Variants in RXFP2 observed in about 807,000 individuals in gnomAD.
RXFP2 encodes relaxin family peptide receptor 2.
Under a neutral mutation model 88.6 loss-of-function variants are expected in RXFP2, and 68 were observed. The ratio of observed to expected loss-of-function variants is 0.77; its 90% CI spans 0.63 to 0.94. The LOEUF (loss-of-function observed/expected upper bound fraction) is 0.94. RXFP2 is among the 40% of genes least tolerant of loss of function. The pLI is 0.00. For missense variants in RXFP2, 791 were observed against 893.9 expected, an observed-to-expected ratio of 0.88 and a Z score of 1.47; for synonymous variants, 329 against 306.8, an observed-to-expected ratio of 1.07 and a Z score of -0.76.
At chr13:31,796,782 C>G (rs1310639939) in intron 16 of RXFP2, among the ~76,000 whole-genome samples, 1 of 152,198 alleles carries the variant, frequency 6.6e-6, no homozygotes, top group Admixed American at 6.5e-5. Flanking sequence ...TATTTAACAT[C>G]TAAGTACAGG....
chr13:31,788,770 A>G (rs117244169), intron 13 of RXFP2, among the ~76,000 whole-genome samples: 3,566 of 152,290 alleles, frequency 0.023, 55 homozygotes, highest in Non-Finnish European at 0.037. Context: ...TGGAAAGATC[A>G]TCTCCTGAAT....
intron 6 of RXFP2, among the ~76,000 whole-genome samples, chr13:31,774,896 T>C (rs1872876597): frequency 6.6e-6 from 1 of 152,216 alleles, no homozygotes; most frequent in Non-Finnish European, 1.5e-5. Flanking sequence ...TCCTTAACCT[T>C]GTCTTCTCTA....
At chr13:31,761,622 C>T (rs932377502) in intron 2 of RXFP2, 102 bp from the exon 3 acceptor site, 11 of 759,756 alleles carry the variant, frequency 1.4e-5, no homozygotes, top group African/African-American at 8.7e-5. Context: ...AATTCTATTA[C>T]TTAAACATAT....
Position 31,784,122 on chromosome 13 carries a change from C to T in RXFP2, c.929+1375C>T, listed in dbSNP as rs989292210. On this transcript the variant is annotated intron_variant, in intron 11 of 17. Coordinates refer to ENST00000298386, the MANE Select transcript of RXFP2 (RefSeq NM_130806.5). The stretch of plus-strand genomic sequence containing the variant: ...GATTACAAGTGTGAGCCACCACGCC[C>T]AACCCAGAGGGGTATTTTATATATA... Among the ~76,000 whole-genome samples the T allele has an allele frequency of 5.9e-5, 9 of 151,796 alleles. No homozygotes were observed. In the South Asian group the frequency reaches 8.4e-4, roughly 14 times the overall value.
Position 31,800,504 on chromosome 13 carries a change from A to G in RXFP2, c.2006-1642A>G, listed in dbSNP as rs567336665. On this transcript the variant is annotated intron_variant, in intron 17 of 17. Transcript: ENST00000298386. Reference sequence around the variant, plus strand: ...GGAGAATGGCATGAACATAAGAGGTAGAGCTTGCAGTGAGCCGAGATCGTG... The same window carrying G: ...GGAGAATGGCATGAACATAAGAGGTGGAGCTTGCAGTGAGCCGAGATCGTG... Among the ~76,000 whole-genome samples, 844 of 152,340 alleles carry G rather than the reference A, an allele frequency of 5.5e-3. 4 individuals carry two copies. The highest frequency in any genetic ancestry group is 0.017 in the Middle Eastern group (5 of 294).
At chr13:31,759,487 G>A (rs996142275) in intron 2 of RXFP2, among the ~76,000 whole-genome samples, 1 of 148,570 alleles carries the variant, frequency 6.7e-6, no homozygotes, top group African/African-American at 2.5e-5. Context: ...CCAGGCAAAG[G>A]CAACATCAAG....
At position 31,781,690 on chromosome 13, in the gene RXFP2, A is replaced by G; in HGVS notation, c.805A>G (p.Ile269Val). 6.2e-7 allele frequency: 1 copy of G among 1,612,264 alleles called. No individual in the cohort carries two copies. Among genetic ancestry groups the G allele is most frequent in the Non-Finnish European group, 8.5e-7 (1 of 1,178,536 alleles). Residue 269 changes from isoleucine (I) to valine (V), a missense_variant, in exon 10 of 18, where the codon ATA becomes GTA. By Grantham distance (29) the Ile-to-Val change is conservative. Transcript: ENST00000298386. ...LNWVDLEGNR[I>V]KYLTNSTFLS... ...TTCCAGGGATTTGGAAGGCAATAGAATAAAGTATCTCACAAATTCTACGTT... is the reference window on the plus strand; with the variant it reads ...TTCCAGGGATTTGGAAGGCAATAGAGTAAAGTATCTCACAAATTCTACGTT...
At chr13:31,782,902 T>A (rs931319560) in intron 11 of RXFP2, among the ~76,000 whole-genome samples, 155 bp downstream of exon 11, 1 of 152,194 alleles carries the variant, frequency 6.6e-6, no homozygotes, top group Non-Finnish European at 1.5e-5. Context: ...TATCCTGAAG[T>A]CCAAAGCACA....
In RXFP2 at chr13:31,782,767, A is replaced by G. The variant is rs959645523; in HGVS notation, c.929+20A>G. 5 of 1,428,882 alleles carry G rather than the reference A, an allele frequency of 3.5e-6. No individual in the cohort carries two copies. The highest frequency in any genetic ancestry group is 3.4e-5 in the Admixed American group (2 of 59,690). The allele number at this position is 1,428,882 out of a possible 1,614,324, so 88.5% of individuals were successfully genotyped here. A position where few individuals can be genotyped will look rare whatever the true frequency, so the allele number is the denominator to read the frequency against. On this transcript the variant is annotated intron_variant, in intron 11 of 17. Coordinates refer to ENST00000298386, the MANE Select transcript of RXFP2 (RefSeq NM_130806.5). Reference sequence around the variant, plus strand: ...AGAACTGTAAGTAGCATCGTCTACTAGGAAAATATGATTGCTTCTTCCGAG... The same window carrying G: ...AGAACTGTAAGTAGCATCGTCTACTGGGAAAATATGATTGCTTCTTCCGAG...
At chr13:31,800,202 G>A (rs542330760) in intron 17 of RXFP2, among the ~76,000 whole-genome samples, 174 of 152,238 alleles carry the variant, frequency 1.1e-3, no homozygotes, top group African/African-American at 3.7e-3. Flanking sequence ...CCTCCAAGAA[G>A]TCTGGCATTT....
chr13:31,762,644 G>GTA (rs1186867196), intron 3 of RXFP2, among the ~76,000 whole-genome samples: 2 of 151,820 alleles, frequency 1.3e-5, no homozygotes, highest in Admixed American at 6.6e-5. Context: ...ATATGTAAAT[G>GTA]TATATATATA....
intron 13 of RXFP2, 143 bp from the exon 14 acceptor site, chr13:31,788,979 A>G (rs531147990): frequency 1.5e-5 from 10 of 656,388 alleles, no homozygotes; most frequent in African/African-American, 7.2e-5. Flanking sequence ...GCCATTTTCT[A>G]AGATAGTGTA....
At chr13:31,750,312 C>T (rs1566213683) in intron 1 of RXFP2, among the ~76,000 whole-genome samples, 1 of 151,884 alleles carries the variant, frequency 6.6e-6, no homozygotes, top group Admixed American at 6.6e-5. Context: ...TTTCATAAAG[C>T]CAAATGTATT....
Position 31,788,861 on chromosome 13 carries a change from C to T in RXFP2, c.1074-261C>T, listed in dbSNP as rs147918036. 2.2e-3 allele frequency among the ~76,000 whole-genome samples: 333 copies of T among 152,274 alleles called. 1 individual carries two copies. The highest frequency in any genetic ancestry group is 7.6e-3 in the African/African-American group (315 of 41,560). ...CAATTTCATAATACACAAATCACCA[C>T]TGCCATTCTTAAATCAAAGAAATGA... On this transcript the variant is annotated intron_variant, in intron 13 of 17. Coordinates refer to ENST00000298386, the MANE Select transcript of RXFP2 (RefSeq NM_130806.5).
chr13:31,765,032 AT>A lies in RXFP2; in HGVS notation c.320-3del. ...AGTGAAATCTTACTCTTTTTGTCCC[AT>A]TAGTTCTAAAACAGTATCCACAATG... On this transcript the variant is annotated splice_polypyrimidine_tract_variant and splice_region_variant and intron_variant, in intron 3 of 17. Transcript: ENST00000298386. 2 of 1,513,370 alleles carry A rather than the reference AT, an allele frequency of 1.3e-6. No individual in the cohort carries two copies. The highest frequency in any genetic ancestry group is 1.1e-5 in the South Asian group (1 of 89,072). 93.7% of individuals were successfully genotyped at this position (1,513,370 alleles called of 1,614,324 possible). A position where few individuals can be genotyped will look rare whatever the true frequency, so the allele number is the denominator to read the frequency against.
intron 5 of RXFP2, among the ~76,000 whole-genome samples, chr13:31,772,064 A>G (rs981970886): frequency 2.0e-5 from 3 of 152,228 alleles, no homozygotes; most frequent in African/African-American, 7.2e-5. Flanking sequence ...CATTTTAATA[A>G]TCTTTTAAAA....
chr13:31,745,030 C>T (rs372716987), intron 1 of RXFP2, among the ~76,000 whole-genome samples: 12 of 152,032 alleles, frequency 7.9e-5, no homozygotes, highest in East Asian at 1.9e-4. Flanking sequence ...ATTAGCCAGA[C>T]GTGGTGGTGC....
chr13:31,778,687 C>T, intron 9 of RXFP2, 104 bp downstream of exon 9: 1 of 859,032 alleles, frequency 1.2e-6, no homozygotes, highest in East Asian at 2.4e-5. Flanking sequence ...AATTTCTTTC[C>T]AAAATCAAAA....
chr13:31,769,411 T>C (rs997303642), intron 5 of RXFP2, among the ~76,000 whole-genome samples: 1 of 152,114 alleles, frequency 6.6e-6, no homozygotes, highest in African/African-American at 2.4e-5. Context: ...CTAGCTATCA[T>C]CACCCTCCAC....
Sources: gnomAD v4.1 joint callset for allele counts (sites outside exome capture counted in the v4.1 genomes callset) on GRCh38, gnomAD v4.1.1 for gene constraint, MANE v1.5 for transcripts, NCBI Gene and HGNC (gene_info 2026-07-23, HGNC 2026-07-21) for gene names.